LYSMD4: variants seen among roughly 807,000 people sequenced by gnomAD.
LYSMD4 encodes the protein lysM and putative peptidoglycan-binding domain-containing protein 4.
A neutral mutation model predicts 6.1 loss-of-function variants in LYSMD4; 9 were observed. The observed-to-expected ratio is 1.47, with a 90% confidence interval of 0.88 to 2.56. The LOEUF (loss-of-function observed/expected upper bound fraction) is 2.56. LYSMD4 is among the 30% of genes most tolerant of loss of function. The pLI, the probability that LYSMD4 is intolerant of heterozygous loss-of-function variation, is 0.00. For synonymous variants in LYSMD4, 143 were observed against 148.5 expected, an observed-to-expected ratio of 0.96 and a Z score of 0.27; for missense variants, 384 against 373.5, an observed-to-expected ratio of 1.03 and a Z score of -0.23.
chr15:99,722,116 G>A (rs1016707428), upstream of LYSMD4, among the ~76,000 whole-genome samples: 4 of 152,156 alleles, frequency 2.6e-5, no homozygotes, highest in African/African-American at 7.2e-5. Context: ...AAAAGTAGGC[G>A]GGACAATTCC....
chr15:99,715,914 G>C (rs2153855675), exon 1 of LYSMD4: 1 of 152,228 alleles, frequency 6.6e-6, no homozygotes, highest in East Asian at 1.9e-4. Context: ...ACTAAATCAG[G>C]GGTTTGTTCT....
chr15:99,718,906 T>TGC (rs201505468), upstream of LYSMD4, among the ~76,000 whole-genome samples: 205 of 78,450 alleles, frequency 2.6e-3, no homozygotes, highest in Middle Eastern at 0.019. Context: ...CATGTAGTTA[T>TGC]GCGCACACAC....
At chr15:99,724,297 G>A (rs150150228), downstream of LYSMD4, among the ~76,000 whole-genome samples, 30 of 144,156 alleles carry the variant, frequency 2.1e-4, no homozygotes, top group Admixed American at 9.4e-4. Flanking sequence ...GTTTGGCTCC[G>A]ATGCCCAGGC....
chr15:99,722,103 GA>G (rs1385809264), upstream of LYSMD4, among the ~76,000 whole-genome samples: 2 of 152,182 alleles, frequency 1.3e-5, no homozygotes, highest in Non-Finnish European at 2.9e-5. Context: ...AGAGCCAACA[GA>G]AAAAAGTAGG....
Position 99,728,770 on chromosome 15 carries a change from C to T in LYSMD4, c.*353G>A, listed in dbSNP as rs911272366. ...GCCGCGCAGATGCCACTGGCTCTCA[C>T]GCTGCAGGTCCCTCGACAGAGGCCA... On this transcript the variant is annotated 3_prime_UTR_variant, in exon 3 of 3. Transcript: ENST00000684762. The T allele has an allele frequency of 3.0e-5, 8 of 270,188 alleles. No individual in the cohort carries two copies. Among genetic ancestry groups the T allele is most frequent in the African/African-American group, 6.4e-5 (3 of 46,842 alleles). The allele number at this position is 270,188 out of a possible 1,614,324, so 16.7% of individuals were successfully genotyped here. A position where few individuals can be genotyped will look rare whatever the true frequency, so the allele number is the denominator to read the frequency against.
downstream of LYSMD4, among the ~76,000 whole-genome samples, chr15:99,726,161 T>TTC: frequency 7.1e-6 from 1 of 140,796 alleles, no homozygotes; most frequent in South Asian, 2.5e-4. Context: ...TTTTTTTTTT[T>TTC]TTTTTTTCCC....
chr15:99,719,260 T>A (rs1207747042), upstream of LYSMD4, among the ~76,000 whole-genome samples: 1 of 152,270 alleles, frequency 6.6e-6, no homozygotes, highest in African/African-American at 2.4e-5. Context: ...ATCTTACTAT[T>A]TGTAACATGG....
In LYSMD4 at chr15:99,729,176, C is replaced by T; in HGVS notation, c.838G>A (p.Ala280Thr). Reference sequence around the variant, plus strand: ...AACTGGCTGTCTGCAGAAGTGACGGCTGGCACTGCAACTGCTAGTCTGGGG... The same window carrying T: ...AACTGGCTGTCTGCAGAAGTGACGGTTGGCACTGCAACTGCTAGTCTGGGG... ...QAPRLAVAVP[A>T]VTSADSQFSQ... The change falls in exon 3 of 3, where the codon GCC becomes ACC. Residue 280 changes from alanine (A) to threonine (T), a missense_variant. By Grantham distance (58) the Ala-to-Thr change is moderately conservative. Transcript: ENST00000684762. 6.2e-7 allele frequency: 1 copy of T among 1,614,240 alleles called. No individual in the cohort carries two copies.
upstream of LYSMD4, among the ~76,000 whole-genome samples, chr15:99,722,115 C>T (rs898007073): frequency 1.3e-5 from 2 of 152,128 alleles, no homozygotes; most frequent in African/African-American, 2.4e-5. Context: ...AAAAAGTAGG[C>T]GGGACAATTC....
At chr15:99,721,786 A>C (rs1293126568), upstream of LYSMD4, among the ~76,000 whole-genome samples, 2 of 152,184 alleles carry the variant, frequency 1.3e-5, no homozygotes, top group Non-Finnish European at 1.5e-5. Flanking sequence ...ACTTTAAAGA[A>C]TCCAAGAAAA....
chr15:99,727,092 G>T (rs1016790121), downstream of LYSMD4, among the ~76,000 whole-genome samples: 8 of 152,196 alleles, frequency 5.3e-5, no homozygotes, highest in African/African-American at 1.9e-4. Flanking sequence ...TTAAAAGGTT[G>T]AGGCAGGTGC....
exon 2 of LYSMD4, chr15:99,716,482 T>TGA (rs760587696): frequency 2.2e-6 from 1 of 456,706 alleles, no homozygotes; most frequent in Non-Finnish European, 4.4e-6. Flanking sequence ...GACTGGCTCT[T>TGA]CCTGTGCGTC....
At chr15:99,732,469 G>A (rs2059442328) in intron 1 of LYSMD4, among the ~76,000 whole-genome samples, 1 of 152,202 alleles carries the variant, frequency 6.6e-6, no homozygotes, top group Admixed American at 6.5e-5. Flanking sequence ...TCAGCGCTAA[G>A]GACTCTTGCT....
At chr15:99,716,938 T>G in exon 1 of LYSMD4, 1 of 329,328 alleles carries the variant, frequency 3.0e-6, no homozygotes, top group Non-Finnish European at 6.1e-6. Flanking sequence ...ACATACATGA[T>G]GCTGAGCTAG....
downstream of LYSMD4, among the ~76,000 whole-genome samples, chr15:99,727,234 G>A (rs1457350520): frequency 6.6e-6 from 1 of 152,102 alleles, no homozygotes; most frequent in Admixed American, 6.5e-5. Context: ...AATCAGCCAG[G>A]CATGGTGATG....
exon 1 of LYSMD4, chr15:99,715,895 T>A (rs1045074052): frequency 1.4e-4 from 21 of 152,540 alleles, no homozygotes; most frequent in African/African-American, 5.1e-4. Flanking sequence ...TATGTCCATT[T>A]TGTTATAGAC....
upstream of LYSMD4, among the ~76,000 whole-genome samples, chr15:99,721,463 CAG>C (rs1020543705): frequency 1.3e-4 from 20 of 152,360 alleles, no homozygotes; most frequent in African/African-American, 3.8e-4. Context: ...TGGCACTTGA[CAG>C]GGGGAATGCA....
At chr15:99,732,778 A>G (rs926128984) in intron 1 of LYSMD4, among the ~76,000 whole-genome samples, 1 of 152,254 alleles carries the variant, frequency 6.6e-6, no homozygotes, top group Non-Finnish European at 1.5e-5. Flanking sequence ...ACAGGGGAGC[A>G]GCCCGTACGG....
intron 2 of LYSMD4, among the ~76,000 whole-genome samples, chr15:99,730,001 C>T (rs908555359): frequency 2.6e-5 from 4 of 152,202 alleles, no homozygotes; most frequent in Non-Finnish European, 4.4e-5. Flanking sequence ...TTTTGAAAAA[C>T]AGATCTTTCT....
Sources: allele counts gnomAD v4.1 joint callset (sites outside exome capture counted in the v4.1 genomes callset), GRCh38; gene constraint gnomAD v4.1.1; transcripts MANE v1.5; gene names NCBI Gene and HGNC (gene_info 2026-07-23, HGNC 2026-07-21).